The following GSK3B variants were observed in gnomAD, a reference collection of about 807,000 sequenced individuals.
The protein encoded by GSK3B is glycogen synthase kinase-3 beta.
In GSK3B, 15 loss-of-function variants were observed where a neutral mutation model predicts 56.4. The observed-to-expected ratio is 0.27, with a 90% CI of 0.18 to 0.41. The LOEUF is 0.41. GSK3B is among the 10% of genes least tolerant of loss of function. GSK3B has a pLI of 1.00. For missense variants in GSK3B, 300 were observed against 513.4 expected (o/e 0.58, Z 4.02); for synonymous variants, 181 against 188.9 (o/e 0.96, Z 0.34).
intron 1 of GSK3B, among the ~76,000 whole-genome samples, chr3:120,080,620 C>G (rs2058411187): frequency 6.6e-6 from 1 of 152,036 alleles, no homozygotes. Flanking sequence ...CATTTGAGGA[C>G]AGGAGTTTGA....
At chr3:119,992,875 T>A (rs185105076) in intron 2 of GSK3B, among the ~76,000 whole-genome samples, 8 of 152,086 alleles carry the variant, frequency 5.3e-5, no homozygotes, top group Non-Finnish European at 8.8e-5. Context: ...AAAACTATAA[T>A]GAGATACCAT....
intron 1 of GSK3B, among the ~76,000 whole-genome samples, chr3:120,078,479 C>T (rs977813929): frequency 3.3e-5 from 5 of 151,900 alleles, no homozygotes; most frequent in Non-Finnish European, 5.9e-5. Flanking sequence ...CCCTTTGTTT[C>T]TAACTAAGTT....
At chr3:120,010,070 T>C (rs1187535084) in intron 1 of GSK3B, among the ~76,000 whole-genome samples, 1 of 152,188 alleles carries the variant, frequency 6.6e-6, no homozygotes, top group Non-Finnish European at 1.5e-5. Context: ...CCACCATTTT[T>C]ATTTACAGCA....
intron 2 of GSK3B, among the ~76,000 whole-genome samples, chr3:119,949,580 C>G (rs2057134232): frequency 6.6e-6 from 1 of 151,982 alleles, no homozygotes; most frequent in African/African-American, 2.4e-5. Flanking sequence ...GAGAGGCAGG[C>G]AGGCACAAGA....
At chr3:120,017,012 A>T (rs1361146642) in intron 1 of GSK3B, among the ~76,000 whole-genome samples, 1 of 152,214 alleles carries the variant, frequency 6.6e-6, no homozygotes, top group Non-Finnish European at 1.5e-5. Context: ...ATGTGCATAA[A>T]AATCTTTGGC....
rs2055423487 is a variant in GSK3B at position 119,822,347 on chromosome 3, T to C, written c.*4441A>G. 1 of 200,928 alleles carries C rather than the reference T, an allele frequency of 5.0e-6. No individual in the cohort carries two copies. The highest frequency in any genetic ancestry group is 1.0e-5 in the Non-Finnish European group (1 of 97,928). The allele number at this position is 200,928 out of a possible 1,614,324, so 12.4% of individuals were successfully genotyped here. ...TATGTGTACAGGCCCAAGTGATCCA[T>C]CGGCAACACATTTATAAATGCAAAT... On this transcript the variant is annotated 3_prime_UTR_variant, in exon 11 of 11. Coordinates refer to ENST00000264235, the MANE Select transcript of GSK3B (RefSeq NM_001146156.2).
intron 3 of GSK3B, 119 bp downstream of exon 3, chr3:119,947,149 A>G: frequency 1.5e-6 from 1 of 667,284 alleles, no homozygotes; most frequent in Non-Finnish European, 2.7e-6. Context: ...TGCTGGGGCA[A>G]GTGTTTCGGA....
intron 2 of GSK3B, among the ~76,000 whole-genome samples, chr3:119,980,466 C>A (rs548027135): frequency 2.0e-5 from 3 of 152,258 alleles, no homozygotes; most frequent in Admixed American, 2.0e-4. Context: ...CATTCTCCTG[C>A]CTCTGCCTCC....
intron 1 of GSK3B, among the ~76,000 whole-genome samples, chr3:120,007,088 C>T (rs1009110718): frequency 6.6e-6 from 1 of 152,152 alleles, no homozygotes; most frequent in African/African-American, 2.4e-5. Flanking sequence ...GGGATCACCA[C>T]TGATCCCACA....
chr3:119,932,012 TAAC>T (rs1576209471), intron 3 of GSK3B, among the ~76,000 whole-genome samples: 2 of 152,332 alleles, frequency 1.3e-5, no homozygotes, highest in East Asian at 1.9e-4. Flanking sequence ...TGATCACATG[TAAC>T]AACAACTCAA....
chr3:119,975,175 G>A (rs903639499), intron 2 of GSK3B, among the ~76,000 whole-genome samples: 3 of 152,142 alleles, frequency 2.0e-5, no homozygotes, highest in Non-Finnish European at 4.4e-5. Flanking sequence ...GGCTGGGCAC[G>A]GTGGCTGAAG....
At chr3:119,893,477 AG>A in intron 7 of GSK3B, among the ~76,000 whole-genome samples, 1 of 152,272 alleles carries the variant, frequency 6.6e-6, no homozygotes, top group Middle Eastern at 3.4e-3. Context: ...CAAAAGGCAA[AG>A]AGCAAAAAGG....
chr3:119,863,838 A>G (rs546421766), intron 8 of GSK3B, among the ~76,000 whole-genome samples: 7 of 152,372 alleles, frequency 4.6e-5, no homozygotes, highest in East Asian at 1.9e-4. Context: ...TCATAAAGTA[A>G]TAACAATCAG....
At chr3:119,922,407 GTA>G (rs1296893112) in intron 4 of GSK3B, among the ~76,000 whole-genome samples, 2 of 147,056 alleles carry the variant, frequency 1.4e-5, no homozygotes, top group Non-Finnish European at 3.0e-5. Context: ...ATACACTATA[GTA>G]TATATAGTTT....
chr3:119,923,003 T>C (rs922106399), intron 4 of GSK3B, among the ~76,000 whole-genome samples: 2 of 152,194 alleles, frequency 1.3e-5, no homozygotes, highest in Non-Finnish European at 2.9e-5. Context: ...CAAATGAATT[T>C]GAACATATTT....
intron 2 of GSK3B, among the ~76,000 whole-genome samples, chr3:119,995,528 G>T (rs1392232112): frequency 1.3e-5 from 2 of 149,272 alleles, no homozygotes; most frequent in East Asian, 4.0e-4. Flanking sequence ...GCAGTGGCGC[G>T]ATCTCAGCTC....
intron 1 of GSK3B, among the ~76,000 whole-genome samples, chr3:120,079,586 G>C (rs2058400138): frequency 6.6e-6 from 1 of 151,772 alleles, no homozygotes; most frequent in African/African-American, 2.4e-5. Context: ...GTAGATATGA[G>C]GTTTCACCAT....
intron 7 of GSK3B, among the ~76,000 whole-genome samples, chr3:119,884,727 G>A (rs2056415771): frequency 6.6e-6 from 1 of 152,026 alleles, no homozygotes; most frequent in African/African-American, 2.4e-5. Context: ...GAATCCTTTT[G>A]AGTTGTATAA....
chr3:119,889,834 A>G (rs9289137), intron 7 of GSK3B, among the ~76,000 whole-genome samples: 2,637 of 152,274 alleles, frequency 0.017, 79 homozygotes, highest in African/African-American at 0.061. Context: ...GAGTAAAAGT[A>G]AAAGAATGCA....
Sources: allele counts gnomAD v4.1 joint callset (sites outside exome capture counted in the v4.1 genomes callset), GRCh38; gene constraint gnomAD v4.1.1; transcripts MANE v1.5; gene names NCBI Gene and HGNC (gene_info 2026-07-23, HGNC 2026-07-21).